TTLL13: variants seen among roughly 807,000 people sequenced by gnomAD.
TTLL13 encodes the protein tubulin polyglutamylase TTLL13.
the TTLL13 span, chr15:90,258,172 G>GT: frequency 6.2e-7 from 1 of 1,614,240 alleles, no homozygotes. Flanking sequence ...TACCGAACCT[G>GT]TTTTCCCCAG....
At chr15:90,254,825 G>A in the TTLL13 span, among the ~76,000 whole-genome samples, 1,625 of 152,238 alleles carry the variant, frequency 0.011, 76 homozygotes, top group Admixed American at 0.075. Context: ...CAGCCTGGGC[G>A]ACAGAGGGAG....
At chr15:90,257,568 G>A in the TTLL13 span, 1,686 of 1,426,858 alleles carry the variant, frequency 1.2e-3, 9 homozygotes, top group South Asian at 3.5e-3. Context: ...GGAGCAACAA[G>A]GTAATGAAGG....
the TTLL13 span, chr15:90,251,465 T>G: frequency 7.6e-7 from 1 of 1,309,762 alleles, no homozygotes; most frequent in Non-Finnish European, 1.1e-6. Flanking sequence ...AGAAAAGGAA[T>G]TGTGTTGTGA....
chr15:90,256,696 C>G, the TTLL13 span, among the ~76,000 whole-genome samples: 398 of 151,040 alleles, frequency 2.6e-3, 1 homozygote, highest in African/African-American at 8.5e-3. Context: ...CTACCTCTCT[C>G]TCTCTTTCTT....
At chr15:90,253,486 G>C in the TTLL13 span, 3 of 574,916 alleles carry the variant, frequency 5.2e-6, no homozygotes, top group Admixed American at 9.5e-5. Context: ...GTGCAGACAA[G>C]AAAGACCACC....
chr15:90,262,263 G>A, the TTLL13 span: 3 of 1,407,526 alleles, frequency 2.1e-6, no homozygotes, highest in Non-Finnish European at 2.8e-6. Context: ...CTTCCCAGCA[G>A]GGAAAGAGGA....
At chr15:90,257,998 G>C in the TTLL13 span, 2 of 1,590,174 alleles carry the variant, frequency 1.3e-6, no homozygotes, top group South Asian at 2.2e-5. Context: ...TGGCCCAGTG[G>C]CCTAGAAACT....
the TTLL13 span, among the ~76,000 whole-genome samples, chr15:90,254,202 TAA>T: frequency 0.016 from 2,253 of 139,074 alleles, 61 homozygotes; most frequent in African/African-American, 0.054. Context: ...TTTTTTTTTT[TAA>T]AAAAAAAAGG....
the TTLL13 span, chr15:90,264,940 A>C: frequency 3.3e-6 from 5 of 1,535,698 alleles, no homozygotes; most frequent in South Asian, 5.9e-5. Context: ...GTTCCAGAGC[A>C]CTCCTCAACA....
At chr15:90,261,868 G>T in the TTLL13 span, 1 of 631,136 alleles carries the variant, frequency 1.6e-6, no homozygotes, top group Non-Finnish European at 2.6e-6. Flanking sequence ...AGATGGGCTT[G>T]GCAGCTTTCC....
the TTLL13 span, chr15:90,265,339 C>T: frequency 1.6e-6 from 2 of 1,224,172 alleles, no homozygotes; most frequent in East Asian, 4.8e-5. Flanking sequence ...AGGCACTGGG[C>T]TGTCGCCGTC....
the TTLL13 span, chr15:90,262,687 G>C: frequency 2.7e-6 from 4 of 1,460,024 alleles, no homozygotes; most frequent in Non-Finnish European, 3.6e-6. Flanking sequence ...GGGTTTTGTA[G>C]CTCTTATCTT....
At chr15:90,258,814 T>A in the TTLL13 span, 32 of 1,614,070 alleles carry the variant, frequency 2.0e-5, no homozygotes, top group Non-Finnish European at 2.5e-5. Flanking sequence ...TTCTCTGTGA[T>A]GCTATGACCC....
chr15:90,253,210 G>C, the TTLL13 span: 1 of 1,551,420 alleles, frequency 6.4e-7, no homozygotes, highest in Non-Finnish European at 8.9e-7. Flanking sequence ...CTTGTTGCTG[G>C]TGTCCATGCT....
At chr15:90,262,761 C>T in the TTLL13 span, 1 of 1,277,136 alleles carries the variant, frequency 7.8e-7, no homozygotes, top group East Asian at 2.6e-5. Flanking sequence ...TTCTCCTCCC[C>T]ATGCACAAGA....
chr15:90,253,501 G>A, the TTLL13 span: 2 of 522,352 alleles, frequency 3.8e-6, no homozygotes, highest in Non-Finnish European at 6.7e-6. Context: ...ACCACCCCCA[G>A]GGTCTTCTTT....
the TTLL13 span, chr15:90,262,276 C>G: frequency 2.2e-6 from 3 of 1,341,182 alleles, no homozygotes; most frequent in South Asian, 3.1e-5. Context: ...AAAGAGGAAG[C>G]CAGACACCAG....
At chr15:90,255,392 G>A in the TTLL13 span, among the ~76,000 whole-genome samples, 4 of 152,114 alleles carry the variant, frequency 2.6e-5, no homozygotes, top group East Asian at 3.9e-4. Flanking sequence ...GAATGCTTTC[G>A]TCTCATTGTC....
chr15:90,265,463 G>C, the TTLL13 span: 670 of 1,365,978 alleles, frequency 4.9e-4, no homozygotes, highest in Non-Finnish European at 5.9e-4. Context: ...TTTAATTAAA[G>C]TTTATGCAGT....
Sources: allele counts gnomAD v4.1 joint callset (sites outside exome capture counted in the v4.1 genomes callset), GRCh38; gene constraint gnomAD v4.1.1; transcripts MANE v1.5; gene names NCBI Gene and HGNC (gene_info 2026-07-23, HGNC 2026-07-21).